EYS: variants seen among roughly 807,000 people sequenced by gnomAD.
EYS encodes protein eyes shut homolog.
EYS carries 250 observed loss-of-function variants against 282.1 expected under a neutral mutation model. That is an observed-to-expected ratio of 0.89 (90% CI 0.80 to 0.98). The LOEUF (loss-of-function observed/expected upper bound fraction) is 0.98. Among genes scored for constraint, EYS ranks in the 50% least tolerant of loss-of-function variants. The probability of loss-of-function intolerance (pLI) is 0.00; values close to 1 mark genes in which losing one functional copy is unlikely to be tolerated. For missense variants in EYS, 4,016 were observed against 3,709.0 expected (o/e 1.08, Z -2.15); for synonymous variants, 1,355 against 1,282.9 (o/e 1.06, Z -1.20).
intron 7 of EYS, among the ~76,000 whole-genome samples, chr6:65,393,702 T>C (rs1502960): frequency 0.2 from 31,008 of 151,734 alleles, 3,292 homozygotes; most frequent in South Asian, 0.35. Flanking sequence ...CCATGACTGA[T>C]GTGGTGAGAT....
At chr6:64,908,131 C>G (rs1767886195) in intron 16 of EYS, among the ~76,000 whole-genome samples, 1 of 152,170 alleles carries the variant, frequency 6.6e-6, no homozygotes, top group Non-Finnish European at 1.5e-5. Context: ...GGATTTTTCT[C>G]AGCCCGTTTG....
At chr6:65,631,142 A>T (rs1766896216) in intron 2 of EYS, among the ~76,000 whole-genome samples, 1 of 152,200 alleles carries the variant, frequency 6.6e-6, no homozygotes, top group Non-Finnish European at 1.5e-5. Flanking sequence ...CCCTGTAAAA[A>T]AGAGGATCAA....
At chr6:65,461,657 A>G (rs527245865) in intron 5 of EYS, among the ~76,000 whole-genome samples, 1 of 152,250 alleles carries the variant, frequency 6.6e-6, no homozygotes, top group East Asian at 1.9e-4. Context: ...GAAACCCTCA[A>G]GTTTTAAGCA....
chr6:64,261,179 G>A (rs1043654244), intron 30 of EYS, among the ~76,000 whole-genome samples: 5 of 151,490 alleles, frequency 3.3e-5, no homozygotes, highest in South Asian at 2.1e-4. Flanking sequence ...GGCCCGCCCC[G>A]ACCAACCCTT....
intron 31 of EYS, among the ~76,000 whole-genome samples, chr6:64,229,683 A>G (rs941490844): frequency 6.6e-6 from 1 of 152,110 alleles, no homozygotes; most frequent in Non-Finnish European, 1.5e-5. Context: ...ACACAAAGTC[A>G]TTGTGGAAGA....
At chr6:65,382,329 A>G (rs2150350209) in intron 8 of EYS, among the ~76,000 whole-genome samples, 1 of 147,100 alleles carries the variant, frequency 6.8e-6, no homozygotes, top group African/African-American at 2.5e-5. Context: ...GACGTAGGGG[A>G]TATGGACTCA....
chr6:64,807,317 C>A (rs1764461280), intron 22 of EYS, among the ~76,000 whole-genome samples: 1 of 151,278 alleles, frequency 6.6e-6, no homozygotes, highest in Non-Finnish European at 1.5e-5. Context: ...TGGTATTGAC[C>A]TTCCCACTGA....
intron 30 of EYS, among the ~76,000 whole-genome samples, chr6:64,243,524 G>A (rs1766906836): frequency 6.6e-6 from 1 of 152,148 alleles, no homozygotes; most frequent in African/African-American, 2.4e-5. Flanking sequence ...ACCAGACAGG[G>A]TAAAGAAGGT....
intron 28 of EYS, among the ~76,000 whole-genome samples, chr6:64,408,312 A>G (rs1429959655): frequency 6.6e-6 from 1 of 152,186 alleles, no homozygotes; most frequent in Admixed American, 6.5e-5. Flanking sequence ...TGTGACTGCT[A>G]CATAAAAGAA....
chr6:64,680,876 A>G (rs1313928297), intron 22 of EYS, among the ~76,000 whole-genome samples: 2 of 152,188 alleles, frequency 1.3e-5, no homozygotes, highest in Non-Finnish European at 2.9e-5. Context: ...ACCCTCTCCA[A>G]GAAACTAATT....
chr6:65,625,731 A>T (rs354367), intron 2 of EYS, among the ~76,000 whole-genome samples: 120,536 of 152,126 alleles, frequency 0.79, 47,794 homozygotes, highest in South Asian at 0.83. Flanking sequence ...AACTTGCATC[A>T]AACTATTTTG....
chr6:64,091,289 T>A (rs1226334239), intron 31 of EYS, among the ~76,000 whole-genome samples: 1 of 152,194 alleles, frequency 6.6e-6, no homozygotes, highest in Admixed American at 6.5e-5. Context: ...GATTTATATA[T>A]AGACTATAAT....
intron 26 of EYS, among the ~76,000 whole-genome samples, chr6:64,564,327 A>G (rs1390500611): frequency 2.7e-5 from 3 of 109,354 alleles, no homozygotes; most frequent in African/African-American, 7.1e-5. Context: ...GCCAGGTTGG[A>G]GTGCAGTGGC....
intron 9 of EYS, among the ~76,000 whole-genome samples, chr6:65,352,542 C>T (rs900291617): frequency 2.6e-5 from 4 of 151,954 alleles, no homozygotes; most frequent in African/African-American, 9.6e-5. Flanking sequence ...TATGGGAACA[C>T]AAGTGCTGGA....
chr6:65,196,000 T>C (rs1348574962), intron 12 of EYS, among the ~76,000 whole-genome samples: 1 of 152,062 alleles, frequency 6.6e-6, no homozygotes, highest in Non-Finnish European at 1.5e-5. Context: ...TATTTCAACC[T>C]TCAGTGGATA....
At chr6:64,994,547 CTT>C (rs1053898005) in intron 14 of EYS, among the ~76,000 whole-genome samples, 25 of 152,030 alleles carry the variant, frequency 1.6e-4, no homozygotes, top group Non-Finnish European at 3.7e-4. Context: ...AATAAATCAT[CTT>C]TCTGTTTTTT....
At chr6:64,564,722 G>A (rs545623304) in intron 26 of EYS, among the ~76,000 whole-genome samples, 157 of 151,644 alleles carry the variant, frequency 1.0e-3, no homozygotes, top group African/African-American at 3.7e-3. Context: ...TCACTCATAA[G>A]TGGGAATTGA....
chr6:64,748,898 G>T (rs1376961491), intron 22 of EYS, among the ~76,000 whole-genome samples: 1 of 152,146 alleles, frequency 6.6e-6, no homozygotes, highest in African/African-American at 2.4e-5. Flanking sequence ...CCAGCCTCCC[G>T]AGTAGCTGGG....
chr6:64,077,414 T>G (rs1002533930), intron 32 of EYS, among the ~76,000 whole-genome samples: 1 of 151,994 alleles, frequency 6.6e-6, no homozygotes, highest in Admixed American at 6.6e-5. Context: ...TCTTTAGATT[T>G]CATTTGTTTT....
Sources: allele counts gnomAD v4.1 joint callset (sites outside exome capture counted in the v4.1 genomes callset), GRCh38; gene constraint gnomAD v4.1.1; transcripts MANE v1.5; gene names NCBI Gene and HGNC (gene_info 2026-07-23, HGNC 2026-07-21).